LIN54: variants seen among roughly 807,000 people sequenced by gnomAD.
The protein encoded by LIN54 is protein lin-54 homolog.
Under a neutral mutation model 78.7 loss-of-function variants are expected in LIN54, and 9 were observed. The observed-to-expected ratio is 0.11, with a 90% confidence interval of 0.07 to 0.20. LIN54 has a LOEUF of 0.20. Ranked by LOEUF, LIN54 falls within the 10% of genes least tolerant of loss-of-function variation. LIN54 has a pLI of 1.00. For missense variants in LIN54, 573 were observed against 889.9 expected (o/e 0.64, Z 4.53); for synonymous variants, 269 against 318.4 (o/e 0.84, Z 1.65).
In LIN54 at chr4:82,997,742, C is replaced by CAGCACTTTGGGAGGCCA. The variant is rs559824797; in HGVS notation, c.-33+12725_-33+12741dup. ...TACAAAATAAAAAATAATGTAATCCCAGCACTTTGGGAGGCCAAGGAGGGC... is the reference window on the plus strand; with the variant it reads ...TACAAAATAAAAAATAATGTAATCCCAGCACTTTGGGAGGCCAAGCACTTTGGGAGGCCAAGGAGGGC... On this transcript the variant is annotated intron_variant, in intron 1 of 12. Coordinates refer to ENST00000340417, the MANE Select transcript of LIN54 (RefSeq NM_194282.4). 1.9e-3 allele frequency among the ~76,000 whole-genome samples: 285 copies of CAGCACTTTGGGAGGCCA among 151,424 alleles called. 1 individual carries two copies. The highest frequency in any genetic ancestry group is 6.2e-3 in the African/African-American group (253 of 41,002).
At position 83,010,762 on chromosome 4, in the gene LIN54, A is replaced by C. The variant is rs1435134286; in HGVS notation, c.-311T>G. The stretch of plus-strand genomic sequence containing the variant: ...CCATTTTCACCTCGTCATCACCATC[A>C]CAGCTCAGCAGCTTCCCCGACAGCC... On this transcript the variant is annotated 5_prime_UTR_variant, in exon 1 of 13. Coordinates refer to ENST00000340417, the MANE Select transcript of LIN54 (RefSeq NM_194282.4). 2 of 1,232,478 alleles carry C rather than the reference A, an allele frequency of 1.6e-6. No individual in the cohort carries two copies. Among genetic ancestry groups the C allele is most frequent in the Non-Finnish European group, 2.0e-6 (2 of 988,686 alleles). The allele number at this position is 1,232,478 out of a possible 1,614,324, so 76.3% of individuals were successfully genotyped here. A position where few individuals can be genotyped will look rare whatever the true frequency, so the allele number is the denominator to read the frequency against.
chr4:82,988,438 T>C (rs1164057934), intron 1 of LIN54, among the ~76,000 whole-genome samples: 1 of 152,256 alleles, frequency 6.6e-6, no homozygotes, highest in Non-Finnish European at 1.5e-5. Context: ...AATGGACATT[T>C]GGACTGTTTC....
At chr4:82,998,046 G>GTATATATATATATATACACACACGTA (rs142178438) in intron 1 of LIN54, among the ~76,000 whole-genome samples, 1 of 136,356 alleles carries the variant, frequency 7.3e-6, no homozygotes, top group Non-Finnish European at 1.6e-5. Flanking sequence ...ATACACACAC[G>GTATATATATATATATACACACACGTA]TATATATATA....
chr4:82,939,855 G>C (rs765680172), intron 6 of LIN54, 34 bp downstream of exon 6: 59 of 1,596,740 alleles, frequency 3.7e-5, no homozygotes, highest in Admixed American at 5.1e-5. Context: ...CGTCTATTTG[G>C]GAAAGACTGA....
chr4:82,984,719 T>G lies in LIN54; in HGVS notation c.126A>C (p.Thr42=). The G allele has an allele frequency of 6.2e-7, 1 of 1,614,202 alleles. No homozygotes were observed. The highest frequency in any genetic ancestry group is 2.2e-5 in the East Asian group (1 of 44,882). The part of the protein sequence containing the change: ...VIVSSPIPME[T]ELEEIVNINS... ...TTATGTTGACAATTTCTTCCAGTTC[T>G]GTCTCCATGGGAATTGGGGATGAAA... The change falls in exon 2 of 13, where the codon ACA becomes ACC. Residue 42 remains threonine (T), a synonymous_variant. Transcript: ENST00000340417.
At chr4:82,939,296 G>A (rs1261998130) in intron 7 of LIN54, among the ~76,000 whole-genome samples, 3 of 152,150 alleles carry the variant, frequency 2.0e-5, no homozygotes, top group Admixed American at 6.5e-5. Context: ...ACAGGCTTGC[G>A]CTCCTGCCAA....
chr4:82,950,199 T>G (rs1329896395), intron 4 of LIN54, among the ~76,000 whole-genome samples: 2 of 152,184 alleles, frequency 1.3e-5, no homozygotes, highest in African/African-American at 4.8e-5. Context: ...TCATGCACAC[T>G]TTTTTGACGT....
rs1284537162 is a variant in LIN54, at chr4:82,925,384, CAG to C, written c.*2716_*2717del. 2.0e-5 allele frequency: 3 copies of C among 152,196 alleles called. No homozygotes were observed. Among genetic ancestry groups the C allele is most frequent in the Admixed American group, 6.5e-5 (1 of 15,272 alleles). 9.4% of individuals were successfully genotyped at this position (152,196 alleles called of 1,614,324 possible). A position where few individuals can be genotyped will look rare whatever the true frequency, so the allele number is the denominator to read the frequency against. On this transcript the variant is annotated 3_prime_UTR_variant, in exon 13 of 13. Coordinates refer to ENST00000340417, the MANE Select transcript of LIN54 (RefSeq NM_194282.4). ...AATTTTTTTATATTTTTAGTAGAGACAGGGTTTCACCATGTAGCCTGGGCTGG... is the reference window on the plus strand; with the variant it reads ...AATTTTTTTATATTTTTAGTAGAGACGGTTTCACCATGTAGCCTGGGCTGG...
intron 4 of LIN54, among the ~76,000 whole-genome samples, chr4:82,954,696 C>T (rs912088765): frequency 3.3e-5 from 5 of 152,154 alleles, no homozygotes; most frequent in African/African-American, 4.8e-5. Flanking sequence ...AACAGGAGAA[C>T]ATAAAAACAG....
chr4:82,949,471 A>G (rs1332506696), intron 4 of LIN54, among the ~76,000 whole-genome samples: 9 of 152,116 alleles, frequency 5.9e-5, no homozygotes, highest in Admixed American at 5.9e-4. Context: ...ATCTCCACTC[A>G]TTGCAACCTC....
chr4:82,958,719 T>C (rs1196281405), intron 4 of LIN54, among the ~76,000 whole-genome samples: 1 of 152,194 alleles, frequency 6.6e-6, no homozygotes, highest in Admixed American at 6.5e-5. Context: ...ATTTTTGAGA[T>C]GGAGTCTTGC....
At position 82,985,821 on chromosome 4, in the gene LIN54, G is replaced by A. The variant is rs565719700; in HGVS notation, c.-32-945C>T. Among the ~76,000 whole-genome samples, 69 of 152,114 alleles carry A rather than the reference G, an allele frequency of 4.5e-4. 1 individual carries two copies. The highest frequency in any genetic ancestry group is 4.2e-3 in the Admixed American group (64 of 15,284). ...CTCCCAAAGTACTGGGATTACAGGC[G>A]TGAGCCACCGTGCCTGGCCATCCTC... On this transcript the variant is annotated intron_variant, in intron 1 of 12. Transcript: ENST00000340417.
At chr4:82,964,953 G>A (rs964237989) in intron 4 of LIN54, among the ~76,000 whole-genome samples, 2 of 152,090 alleles carry the variant, frequency 1.3e-5, no homozygotes, top group African/African-American at 4.8e-5. Context: ...AGCCAAGATC[G>A]CGCCACTGCA....
chr4:82,958,131 C>T (rs529600546), intron 4 of LIN54, among the ~76,000 whole-genome samples: 1 of 152,174 alleles, frequency 6.6e-6, no homozygotes, highest in Non-Finnish European at 1.5e-5. Context: ...CTGATAATTA[C>T]GAAATGGAAG....
rs760347820 is a variant in LIN54, at chr4:82,984,872, A to G, written c.-28T>C. 3 of 1,566,786 alleles carry G rather than the reference A, an allele frequency of 1.9e-6. No individual in the cohort carries two copies. Among genetic ancestry groups the G allele is most frequent in the African/African-American group, 2.7e-5 (2 of 73,670 alleles). On this transcript the variant is annotated 5_prime_UTR_variant, in exon 2 of 13. Coordinates refer to ENST00000340417, the MANE Select transcript of LIN54 (RefSeq NM_194282.4). ...TCGTTCTCCCGCTAGAAAGTTGATC[A>G]GGCACTGTAATAAAAGTTGAAAAAT...
chr4:82,934,590 A>G (rs1435435020), intron 11 of LIN54, among the ~76,000 whole-genome samples: 2 of 152,366 alleles, frequency 1.3e-5, no homozygotes, highest in East Asian at 3.9e-4. Context: ...AGAGAATGCA[A>G]TACACAAAAT....
chr4:82,986,366 G>A (rs375727428), intron 1 of LIN54, among the ~76,000 whole-genome samples: 38 of 152,042 alleles, frequency 2.5e-4, no homozygotes, highest in African/African-American at 8.4e-4. Context: ...ATCTGCCCAC[G>A]CTGGCCTCCC....
At chr4:83,004,397 G>GC (rs1729128794) in intron 1 of LIN54, among the ~76,000 whole-genome samples, 1 of 28,126 alleles carries the variant, frequency 3.6e-5, no homozygotes, top group African/African-American at 1.5e-4. Flanking sequence ...AGACTCCGTT[G>GC]CAAAAAAAAA....
At chr4:83,008,278 G>T (rs546438387) in intron 1 of LIN54, among the ~76,000 whole-genome samples, 17 of 152,296 alleles carry the variant, frequency 1.1e-4, no homozygotes, top group African/African-American at 4.1e-4. Flanking sequence ...CTGAAGTAAT[G>T]ATATTGAGGT....
Sources: gnomAD v4.1 joint callset for allele counts (sites outside exome capture counted in the v4.1 genomes callset) on GRCh38, gnomAD v4.1.1 for gene constraint, MANE v1.5 for transcripts, NCBI Gene and HGNC (gene_info 2026-07-23, HGNC 2026-07-21) for gene names.